Variants in FGF1 observed in about 807,000 individuals in gnomAD.
FGF1 encodes beta-endothelial cell growth factor.
In FGF1, 9 loss-of-function variants were observed where a neutral mutation model predicts 13.4. That is an observed-to-expected ratio of 0.67 (90% CI 0.40 to 1.17). The LOEUF (loss-of-function observed/expected upper bound fraction) is 1.17. Among genes scored for constraint, FGF1 ranks in the 50% most tolerant of loss-of-function variants. The pLI is 0.01. For synonymous variants in FGF1, 93 were observed against 79.0 expected, an observed-to-expected ratio of 1.18 and a Z score of -0.94; for missense variants, 156 against 192.7, an observed-to-expected ratio of 0.81 and a Z score of 1.13.
intron 1 of FGF1, among the ~76,000 whole-genome samples, chr5:142,666,425 G>A (rs956648580): frequency 6.6e-6 from 1 of 152,162 alleles, no homozygotes; most frequent in Non-Finnish European, 1.5e-5. Flanking sequence ...TCCAGCAGCA[G>A]TGTGGTGTCG....
chr5:142,655,838 C>T (rs1278410584), intron 1 of FGF1, among the ~76,000 whole-genome samples: 1 of 152,202 alleles, frequency 6.6e-6, no homozygotes, highest in African/African-American at 2.4e-5. Context: ...GGGAGCCAGG[C>T]TGGTGCAGGG....
rs140199489 is a variant in FGF1 at position 142,673,460 on chromosome 5, A to C, written c.-35+12497T>G. Reference sequence around the variant, plus strand: ...CTTCCTTGTGTTTGGAAACGTAATAAATATGACCAGTTACAAGCAATAGGC... The same window carrying C: ...CTTCCTTGTGTTTGGAAACGTAATACATATGACCAGTTACAAGCAATAGGC... On this transcript the variant is annotated intron_variant, in intron 1 of 3. Transcript: ENST00000337706. Among the ~76,000 whole-genome samples, 510 of 152,318 alleles carry C rather than the reference A, an allele frequency of 3.3e-3. 4 individuals carry two copies. Among genetic ancestry groups the C allele is most frequent in the African/African-American group, 0.012 (479 of 41,574 alleles).
At chr5:142,659,655 A>C (rs1216359441) in intron 1 of FGF1, among the ~76,000 whole-genome samples, 1 of 152,210 alleles carries the variant, frequency 6.6e-6, no homozygotes, top group African/African-American at 2.4e-5. Context: ...GAAACCACTC[A>C]GGCTTCATAG....
At chr5:142,613,911 A>G in intron 2 of FGF1, 48 bp downstream of exon 2, 1 of 1,593,398 alleles carries the variant, frequency 6.3e-7, no homozygotes, top group Non-Finnish European at 8.6e-7. Context: ...CACCTTGACT[A>G]CAGAAGATGT....
At chr5:142,618,971 T>G (rs1368711809) in intron 1 of FGF1, among the ~76,000 whole-genome samples, 2 of 140,260 alleles carry the variant, frequency 1.4e-5, no homozygotes, top group African/African-American at 2.7e-5. Context: ...GTCCCGCTCT[T>G]TAGCCCAGGC....
At chr5:142,671,114 C>G (rs1771379953) in intron 1 of FGF1, among the ~76,000 whole-genome samples, 1 of 152,132 alleles carries the variant, frequency 6.6e-6, no homozygotes, top group Admixed American at 6.6e-5. Flanking sequence ...TTCTTTTGAC[C>G]CTTTGAACAG....
chr5:142,668,006 G>A (rs1175661414), intron 1 of FGF1, among the ~76,000 whole-genome samples: 3 of 152,346 alleles, frequency 2.0e-5, no homozygotes, highest in Admixed American at 1.3e-4. Context: ...CACAAAGGCA[G>A]ACCTGTCTGG....
chr5:142,665,450 C>T (rs1390626147), intron 1 of FGF1, among the ~76,000 whole-genome samples: 1 of 152,150 alleles, frequency 6.6e-6, no homozygotes, highest in Non-Finnish European at 1.5e-5. Context: ...GAAAAGGTCG[C>T]CACAGGTTCT....
upstream of FGF1, among the ~76,000 whole-genome samples, chr5:142,687,114 A>AGTGTGTGT (rs150596132): frequency 4.0e-5 from 6 of 150,076 alleles, no homozygotes; most frequent in African/African-American, 1.2e-4. Context: ...AGAAGGCATG[A>AGTGTGTGT]GTGTGTGTGT....
chr5:142,650,972 G>A lies in FGF1; in HGVS notation c.-35+34985C>T, dbSNP rs17223339. Among the ~76,000 whole-genome samples the A allele has an allele frequency of 3.3e-3, 501 of 152,176 alleles. 5 individuals are homozygous for A. The East Asian group carries it at 0.036, about 11-fold the overall frequency. On this transcript the variant is annotated intron_variant, in intron 1 of 3. Transcript: ENST00000337706. Reference sequence around the variant, plus strand: ...TAACACTCATACTCATTCCTAGCGTGCACACAGCCCAAATCAACACCCACT... The same window carrying A: ...TAACACTCATACTCATTCCTAGCGTACACACAGCCCAAATCAACACCCACT...
At position 142,603,459 on chromosome 5, in the gene FGF1, A is replaced by G. The variant is rs376203464; in HGVS notation, c.170-2654T>C. ...TTTCTTTCATGGCACTTAGTACAACATGCAATGATTTTATTATCTAGGGAG... is the reference window on the plus strand; with the variant it reads ...TTTCTTTCATGGCACTTAGTACAACGTGCAATGATTTTATTATCTAGGGAG... On this transcript the variant is annotated intron_variant, in intron 2 of 3. Transcript: ENST00000337706. Among the ~76,000 whole-genome samples, 9 of 151,884 alleles carry G rather than the reference A, an allele frequency of 5.9e-5. No homozygotes were observed. The East Asian group carries it at 1.7e-3, about 29-fold the overall frequency.
intron 1 of FGF1, among the ~76,000 whole-genome samples, chr5:142,677,267 T>C (rs999911016): frequency 5.3e-5 from 8 of 152,218 alleles, no homozygotes; most frequent in African/African-American, 1.4e-4. Context: ...CTGCTTCCAC[T>C]ATTCCCATCA....
upstream of FGF1, among the ~76,000 whole-genome samples, chr5:142,688,624 T>C (rs1244600120): frequency 1.3e-5 from 2 of 152,220 alleles, no homozygotes; most frequent in East Asian, 1.9e-4. Flanking sequence ...ATTTCTGCCC[T>C]GATAAAACCT....
At chr5:142,669,151 G>A (rs993920858) in intron 1 of FGF1, among the ~76,000 whole-genome samples, 2 of 152,336 alleles carry the variant, frequency 1.3e-5, no homozygotes, top group African/African-American at 4.8e-5. Context: ...GAATGATGCT[G>A]TTCCAAAGCA....
intron 1 of FGF1, among the ~76,000 whole-genome samples, chr5:142,656,546 T>A (rs250200): frequency 0.028 from 4,227 of 152,324 alleles, 96 homozygotes; most frequent in Admixed American, 0.059. Flanking sequence ...TAAGAATTTG[T>A]CCTATAGAAG....
chr5:142,685,378 C>T (rs1331812965), intron 1 of FGF1: 1 of 152,174 alleles, frequency 6.6e-6, no homozygotes, highest in Non-Finnish European at 1.5e-5. Context: ...ACTTCTATAT[C>T]AAAAGGTTAA....
At chr5:142,673,530 G>A (rs1300142749) in intron 1 of FGF1, among the ~76,000 whole-genome samples, 2 of 152,200 alleles carry the variant, frequency 1.3e-5, no homozygotes, top group Admixed American at 1.3e-4. Flanking sequence ...TTCAGGCCTT[G>A]GTGTTCTGTT....
At chr5:142,601,063 G>C (rs375539061) in intron 2 of FGF1, 6 of 600,234 alleles carry the variant, frequency 1.0e-5, no homozygotes, top group Non-Finnish European at 1.9e-5. Context: ...CCACCCTGTT[G>C]GTTACAAAAT....
chr5:142,679,173 C>G (rs1000652315), intron 1 of FGF1, among the ~76,000 whole-genome samples: 1 of 152,148 alleles, frequency 6.6e-6, no homozygotes, highest in Non-Finnish European at 1.5e-5. Flanking sequence ...ACAGTCTGAC[C>G]CCGCCTGCTT....
Sources: gnomAD v4.1 joint callset for allele counts (sites outside exome capture counted in the v4.1 genomes callset) on GRCh38, gnomAD v4.1.1 for gene constraint, MANE v1.5 for transcripts, NCBI Gene and HGNC (gene_info 2026-07-23, HGNC 2026-07-21) for gene names.